ME1: variants seen among roughly 807,000 people sequenced by gnomAD.
The protein encoded by ME1 is malic enzyme 1.
In ME1, 74 loss-of-function variants were observed where a neutral mutation model predicts 66.4. The observed-to-expected ratio is 1.11, with a 90% CI of 0.92 to 1.35. ME1 has a LOEUF of 1.35. ME1 is among the 40% of genes most tolerant of loss of function. The pLI, the probability that ME1 is intolerant of heterozygous loss-of-function variation, is 0.00. For synonymous variants in ME1, 251 were observed against 235.6 expected, an observed-to-expected ratio of 1.07 and a Z score of -0.60; for missense variants, 750 against 694.1, an observed-to-expected ratio of 1.08 and a Z score of -0.90.
chr6:83,392,678 G>GCAAT (rs1191782355), intron 3 of ME1: 1 of 600,156 alleles, frequency 1.7e-6, no homozygotes, highest in Non-Finnish European at 3.2e-6. Context: ...ATCAAATGGG[G>GCAAT]CAATGCTGGC....
chr6:83,422,276 T>G (rs1394034988), intron 1 of ME1, among the ~76,000 whole-genome samples: 5 of 152,074 alleles, frequency 3.3e-5, no homozygotes, highest in African/African-American at 1.2e-4. Context: ...TACTACTGAG[T>G]AGACTTTGAA....
At chr6:83,228,683 G>T in intron 10 of ME1, 143 bp downstream of exon 10, 2 of 565,112 alleles carry the variant, frequency 3.5e-6, no homozygotes, top group Admixed American at 3.4e-5. Context: ...AAAAATCTAG[G>T]TCTCTACAGG....
At chr6:83,299,942 G>A (rs879060463) in intron 6 of ME1, among the ~76,000 whole-genome samples, 1 of 152,100 alleles carries the variant, frequency 6.6e-6, no homozygotes, top group African/African-American at 2.4e-5. Flanking sequence ...TGCATCCCAG[G>A]GATGAAACCG....
At chr6:83,281,855 G>GAAAAAAAAA (rs1301482507) in intron 6 of ME1, among the ~76,000 whole-genome samples, 3 of 45,346 alleles carry the variant, frequency 6.6e-5, no homozygotes, top group Non-Finnish European at 1.4e-4. Flanking sequence ...ACAAAAAAGA[G>GAAAAAAAAA]AAAAAAAAAA....
chr6:83,396,618 T>G (rs913439587), intron 3 of ME1, among the ~76,000 whole-genome samples: 1 of 151,880 alleles, frequency 6.6e-6, no homozygotes, highest in African/African-American at 2.4e-5. Flanking sequence ...AATATAAAAA[T>G]AAAGATTAAA....
chr6:83,376,288 G>A (rs1343970306), intron 3 of ME1, among the ~76,000 whole-genome samples: 4 of 152,078 alleles, frequency 2.6e-5, no homozygotes, highest in African/African-American at 9.7e-5. Context: ...CCTGAGGTCA[G>A]GAGTTCAAGA....
intron 10 of ME1, among the ~76,000 whole-genome samples, chr6:83,228,290 G>A (rs1352687966): frequency 6.6e-6 from 1 of 152,154 alleles, no homozygotes; most frequent in Admixed American, 6.5e-5. Context: ...CTGTCTTCCA[G>A]GAGGGTCTTA....
At position 83,411,224 on chromosome 6, in the gene ME1, C is replaced by T. The variant is rs1030187275; in HGVS notation, c.79-3323G>A. ...ACTAAAAATACAAAAGTTAGCCGGG[C>T]GTGGTGGCATGTACCTGTACTCCCA... On this transcript the variant is annotated intron_variant, in intron 1 of 13. Transcript: ENST00000369705. Among the ~76,000 whole-genome samples, 29 of 152,174 alleles carry T rather than the reference C, an allele frequency of 1.9e-4. 1 individual carries two copies. Among genetic ancestry groups the T allele is most frequent in the African/African-American group, 5.5e-4 (23 of 41,518 alleles).
chr6:83,249,783 C>T (rs999886463), intron 7 of ME1, among the ~76,000 whole-genome samples: 5 of 152,050 alleles, frequency 3.3e-5, no homozygotes, highest in African/African-American at 9.7e-5. Flanking sequence ...TCATGGTGTA[C>T]AGTCTCCTAT....
intron 3 of ME1, among the ~76,000 whole-genome samples, chr6:83,384,122 A>G (rs1233062398): frequency 2.0e-5 from 3 of 151,704 alleles, no homozygotes; most frequent in African/African-American, 7.3e-5. Context: ...GAATAATGCT[A>G]CAACGAACAT....
intron 4 of ME1, among the ~76,000 whole-genome samples, chr6:83,349,287 A>G (rs1448246331): frequency 6.6e-6 from 1 of 152,182 alleles, no homozygotes; most frequent in African/African-American, 2.4e-5. Context: ...TCACTTATGT[A>G]GTTTATCACT....
chr6:83,229,887 A>T (rs918228031), intron 9 of ME1, among the ~76,000 whole-genome samples: 61 of 152,110 alleles, frequency 4.0e-4, no homozygotes, highest in African/African-American at 1.4e-3. Flanking sequence ...AGTGCTGTGG[A>T]TCAGAGGTCA....
At chr6:83,310,739 C>T (rs986910643) in intron 6 of ME1, among the ~76,000 whole-genome samples, 2 of 151,846 alleles carry the variant, frequency 1.3e-5, no homozygotes, top group East Asian at 1.9e-4. Flanking sequence ...ACTATAAGGA[C>T]AATGGGAAAA....
chr6:83,259,496 G>A (rs1766842651), intron 6 of ME1, among the ~76,000 whole-genome samples: 1 of 152,178 alleles, frequency 6.6e-6, no homozygotes, highest in African/African-American at 2.4e-5. Flanking sequence ...AAGAACCAAT[G>A]ATAGAATAGA....
chr6:83,244,546 G>T (rs989698474), intron 7 of ME1, among the ~76,000 whole-genome samples: 4 of 152,024 alleles, frequency 2.6e-5, no homozygotes, highest in Non-Finnish European at 5.9e-5. Flanking sequence ...AGAGAATAGT[G>T]GTGGGTGATG....
At chr6:83,214,463 A>G (rs1390038187) in intron 13 of ME1, among the ~76,000 whole-genome samples, 4 of 152,092 alleles carry the variant, frequency 2.6e-5, no homozygotes, top group African/African-American at 9.7e-5. Context: ...TCTCTCCAGG[A>G]TTTGGCTGTG....
intron 12 of ME1, among the ~76,000 whole-genome samples, chr6:83,218,223 G>A (rs527921160): frequency 6.6e-6 from 1 of 152,158 alleles, no homozygotes; most frequent in African/African-American, 2.4e-5. Context: ...AATCAGCCCT[G>A]CCAACCCCAC....
At chr6:83,229,406 T>C (rs558544217) in intron 9 of ME1, among the ~76,000 whole-genome samples, 1 of 152,334 alleles carries the variant, frequency 6.6e-6, no homozygotes, top group South Asian at 2.1e-4. Flanking sequence ...GTATGCATTT[T>C]ATATGTTTTT....
chr6:83,373,448 G>A (rs1364022037), intron 3 of ME1, among the ~76,000 whole-genome samples: 1 of 152,090 alleles, frequency 6.6e-6, no homozygotes, highest in Non-Finnish European at 1.5e-5. Context: ...TGGCCAGGCT[G>A]GTCTCGAACT....
Sources: gnomAD v4.1 joint callset for allele counts (sites outside exome capture counted in the v4.1 genomes callset) on GRCh38, gnomAD v4.1.1 for gene constraint, MANE v1.5 for transcripts, NCBI Gene and HGNC (gene_info 2026-07-23, HGNC 2026-07-21) for gene names.